The following DIAPH3 variants were observed in gnomAD, a reference collection of about 807,000 sequenced individuals.
DIAPH3 encodes diaphanous related formin 3, also known as protein diaphanous homolog 3.
DIAPH3 carries 117 observed loss-of-function variants against 144.3 expected under a neutral mutation model. The ratio of observed to expected loss-of-function variants is 0.81; its 90% CI spans 0.70 to 0.95. DIAPH3 has a LOEUF of 0.95. Ranked by LOEUF, DIAPH3 falls within the 40% of genes least tolerant of loss-of-function variation. The probability of loss-of-function intolerance (pLI) is 0.00; values close to 1 mark genes in which losing one functional copy is unlikely to be tolerated. For missense variants in DIAPH3, 1,421 were observed against 1,412.7 expected, an observed-to-expected ratio of 1.01 and a Z score of -0.09; for synonymous variants, 519 against 488.9, an observed-to-expected ratio of 1.06 and a Z score of -0.81.
chr13:60,068,950 T>G (rs1594573222), intron 4 of DIAPH3, among the ~76,000 whole-genome samples: 4 of 152,180 alleles, frequency 2.6e-5, no homozygotes, highest in South Asian at 2.1e-4. Context: ...GCAATGAACA[T>G]GTGCGTGCAT....
chr13:59,735,801 G>T (rs527506940), intron 27 of DIAPH3, among the ~76,000 whole-genome samples: 1 of 152,122 alleles, frequency 6.6e-6, no homozygotes, highest in Non-Finnish European at 1.5e-5. Flanking sequence ...TCTATTTTAA[G>T]TTCAGGGGTA....
intron 1 of DIAPH3, among the ~76,000 whole-genome samples, chr13:60,134,429 A>C (rs1566810047): frequency 6.6e-6 from 1 of 152,172 alleles, no homozygotes; most frequent in Admixed American, 6.5e-5. Flanking sequence ...GTATGTAAGG[A>C]ACTTAGGGCC....
intron 27 of DIAPH3, among the ~76,000 whole-genome samples, chr13:59,742,022 T>C (rs1055484298): frequency 1.8e-4 from 27 of 152,212 alleles, no homozygotes; most frequent in African/African-American, 6.5e-4. Flanking sequence ...GGCCTCCCAA[T>C]CATGGCAGAA....
At chr13:59,769,409 G>A (rs920374811) in intron 27 of DIAPH3, among the ~76,000 whole-genome samples, 1 of 152,028 alleles carries the variant, frequency 6.6e-6, no homozygotes, top group African/African-American at 2.4e-5. Flanking sequence ...TTACTCACCT[G>A]ACTCCATTCC....
chr13:60,056,450 A>C (rs1700230718), intron 4 of DIAPH3, among the ~76,000 whole-genome samples: 1 of 151,774 alleles, frequency 6.6e-6, no homozygotes, highest in African/African-American at 2.4e-5. Context: ...GTACATATAC[A>C]CATATCACAT....
At chr13:60,042,434 T>C (rs1208912338) in intron 5 of DIAPH3, among the ~76,000 whole-genome samples, 1 of 152,230 alleles carries the variant, frequency 6.6e-6, no homozygotes, top group Non-Finnish European at 1.5e-5. Context: ...GACAATTGTC[T>C]TTTAGAAAAC....
intron 24 of DIAPH3, among the ~76,000 whole-genome samples, chr13:59,820,960 C>A (rs947028650): frequency 1.3e-5 from 2 of 151,554 alleles, no homozygotes; most frequent in Non-Finnish European, 1.5e-5. Context: ...ATTATAATAT[C>A]CTGTATATTT....
At chr13:59,762,052 C>CTTTTTTTTTT (rs35387511) in intron 27 of DIAPH3, among the ~76,000 whole-genome samples, 19 of 59,520 alleles carry the variant, frequency 3.2e-4, no homozygotes, top group African/African-American at 9.1e-4. Flanking sequence ...GCGTCAGCAT[C>CTTTTTTTTTT]TTTTTTTTTT....
chr13:59,690,481 T>A (rs1477985943), intron 27 of DIAPH3, among the ~76,000 whole-genome samples: 3 of 152,198 alleles, frequency 2.0e-5, no homozygotes, highest in Non-Finnish European at 4.4e-5. Flanking sequence ...GAAGAGGAAT[T>A]GTATTTACTT....
Position 59,728,204 on chromosome 13 carries a change from T to A in DIAPH3, c.3319+45985A>T, listed in dbSNP as rs342587. 5.2e-3 allele frequency among the ~76,000 whole-genome samples: 796 copies of A among 151,944 alleles called. 4 individuals carry two copies. Among genetic ancestry groups the A allele is most frequent in the South Asian group, 0.032 (154 of 4,814 alleles). On this transcript the variant is annotated intron_variant, in intron 27 of 27. Transcript: ENST00000400324. ...ATCTGGTAAGGCTAGACACCCCCAC[T>A]GGTTACTCTTTTTATTTTTAATTGT...
chr13:59,838,929 T>G (rs1335669166), intron 23 of DIAPH3: 2 of 186,770 alleles, frequency 1.1e-5, no homozygotes, highest in Non-Finnish European at 2.3e-5. Context: ...GCGAATATGG[T>G]GAAACCCTGT....
At chr13:59,686,903 T>C (rs1339216838) in intron 27 of DIAPH3, among the ~76,000 whole-genome samples, 1 of 152,080 alleles carries the variant, frequency 6.6e-6, no homozygotes. Context: ...GAAGCTTTCA[T>C]GGTCTTTGAC....
intron 27 of DIAPH3, among the ~76,000 whole-genome samples, chr13:59,705,258 T>C (rs945741452): frequency 1.3e-5 from 2 of 152,178 alleles, no homozygotes; most frequent in African/African-American, 4.8e-5. Context: ...AGAGCCGCCA[T>C]GAATTTTTAA....
At chr13:60,061,199 T>A (rs1387179793) in intron 4 of DIAPH3, among the ~76,000 whole-genome samples, 1 of 151,866 alleles carries the variant, frequency 6.6e-6, no homozygotes, top group Non-Finnish European at 1.5e-5. Context: ...CACGGCAGAG[T>A]CAGGTGGAAG....
At chr13:60,021,349 G>A (rs2054003855) in intron 5 of DIAPH3, among the ~76,000 whole-genome samples, 1 of 152,228 alleles carries the variant, frequency 6.6e-6, no homozygotes, top group Non-Finnish European at 1.5e-5. Context: ...AAAGGGATGG[G>A]CACCCTGGCT....
At chr13:59,756,783 C>T (rs1019864987) in intron 27 of DIAPH3, among the ~76,000 whole-genome samples, 4 of 152,142 alleles carry the variant, frequency 2.6e-5, no homozygotes, top group African/African-American at 9.7e-5. Context: ...TTTTCATTCA[C>T]CTATTTCCAA....
chr13:59,871,210 C>A lies in DIAPH3; in HGVS notation c.2607+8019G>T, dbSNP rs1394685065. On this transcript the variant is annotated intron_variant, in intron 21 of 27. Transcript: ENST00000400324. The stretch of plus-strand genomic sequence containing the variant: ...CCATTTTTTTTGGGGGGGGGGGTGG[C>A]GGGCATTCTACACAGACAATCATTT... Among the ~76,000 whole-genome samples the A allele has an allele frequency of 4.2e-5, 6 of 141,940 alleles. No homozygotes were observed. In the Admixed American group the frequency reaches 4.3e-4, roughly 10 times the overall value. The allele number at this position is 141,940 out of a possible 152,430, so 93.1% of individuals were successfully genotyped here.
intron 22 of DIAPH3, among the ~76,000 whole-genome samples, chr13:59,852,960 T>C (rs1366592396): frequency 6.6e-6 from 1 of 152,224 alleles, no homozygotes; most frequent in Non-Finnish European, 1.5e-5. Flanking sequence ...AATATTTATA[T>C]AATGATTAAT....
chr13:59,951,367 C>T (rs2049087844), intron 17 of DIAPH3, among the ~76,000 whole-genome samples: 1 of 152,128 alleles, frequency 6.6e-6, no homozygotes, highest in Non-Finnish European at 1.5e-5. Flanking sequence ...TGAGACCTCC[C>T]AGGCCATGCT....
Sources: gnomAD v4.1 joint callset for allele counts (sites outside exome capture counted in the v4.1 genomes callset) on GRCh38, gnomAD v4.1.1 for gene constraint, MANE v1.5 for transcripts, NCBI Gene and HGNC (gene_info 2026-07-23, HGNC 2026-07-21) for gene names.